The following PLD1 variants were observed in gnomAD, a reference collection of about 807,000 sequenced individuals.
The protein encoded by PLD1 is choline phosphatase 1.
Under a neutral mutation model 137.1 loss-of-function variants are expected in PLD1, and 112 were observed. The observed-to-expected ratio is 0.82, with a 90% CI of 0.70 to 0.96. The LOEUF (loss-of-function observed/expected upper bound fraction) is 0.96. Ranked by LOEUF, PLD1 falls within the 40% of genes least tolerant of loss-of-function variation. The probability of loss-of-function intolerance (pLI) is 0.00; values close to 1 mark genes in which losing one functional copy is unlikely to be tolerated. For missense variants in PLD1, 1,321 were observed against 1,342.0 expected (o/e 0.98, Z 0.24); for synonymous variants, 431 against 454.7 (o/e 0.95, Z 0.66).
intron 1 of PLD1, among the ~76,000 whole-genome samples, chr3:171,738,820 AG>A (rs1184203827): frequency 1.3e-5 from 2 of 152,240 alleles, no homozygotes; most frequent in East Asian, 3.8e-4. Flanking sequence ...ATCAGTACCC[AG>A]GGCAGAAGAG....
intron 25 of PLD1, among the ~76,000 whole-genome samples, chr3:171,610,066 A>T (rs772539677): frequency 1.3e-5 from 2 of 152,228 alleles, no homozygotes; most frequent in Non-Finnish European, 1.5e-5. Flanking sequence ...CAAATTGGTG[A>T]AGATTAAATA....
chr3:171,792,645 TTCCC>T (rs994304456), intron 1 of PLD1: 1 of 456,664 alleles, frequency 2.2e-6, no homozygotes, highest in African/African-American at 2.0e-5. Context: ...AGGATTGTCT[TTCCC>T]CCTGCCTCTG....
rs1203877071 is a variant in PLD1, at chr3:171,764,900, GAAGGAAGGAAGGAAAGAAAGA to G, written c.-31-26839_-31-26819del. On this transcript the variant is annotated intron_variant, in intron 1 of 26. Coordinates refer to ENST00000351298, the MANE Select transcript of PLD1 (RefSeq NM_002662.5). ...GAAAGAAAGAAAGAAAGAAAGGAAGGAAGGAAGGAAGGAAAGAAAGAAAGGAAAGAAAGGAAAGAAAGAAAG... is the reference window on the plus strand; with the variant it reads ...GAAAGAAAGAAAGAAAGAAAGGAAGGAAGGAAAGAAAGGAAAGAAAGAAAG... Among the ~76,000 whole-genome samples, 141 of 24,184 alleles carry G rather than the reference GAAGGAAGGAAGGAAAGAAAGA, an allele frequency of 5.8e-3. 10 individuals carry two copies. Among genetic ancestry groups the G allele is most frequent in the African/African-American group, 0.02 (130 of 6,342 alleles). 15.9% of individuals were successfully genotyped at this position (24,184 alleles called of 152,430 possible). A position where few individuals can be genotyped will look rare whatever the true frequency, so the allele number is the denominator to read the frequency against.
At position 171,737,991 on chromosome 3, in the gene PLD1, T is replaced by C. The variant is rs1246649670; in HGVS notation, c.61A>G (p.Met21Val). The part of the protein sequence containing the change: ...TSALQKIAAD[M>V]SNIIENLDTR... ...TCCAGATTTTCTATGATATTACTCA[T>C]GTCAGCAGCAATTTTCTGCAGTGCA... is the stretch of plus-strand genomic sequence containing the variant. The change falls in exon 2 of 27, where the codon ATG (methionine) becomes GTG (valine). Residue 21 changes from methionine (M) to valine (V), a missense_variant. Transcript: ENST00000351298. 2.5e-6 allele frequency: 4 copies of C among 1,614,010 alleles called. No individual in the cohort carries two copies. In the South Asian group the frequency reaches 3.3e-5, roughly 13 times the overall value.
At chr3:171,626,621 A>ATTTGCTTTAC (rs1560157237) in intron 23 of PLD1, among the ~76,000 whole-genome samples, 5 of 151,894 alleles carry the variant, frequency 3.3e-5, no homozygotes, top group African/African-American at 1.2e-4. Flanking sequence ...GGTTACCCAC[A>ATTTGCTTTAC]AAGGGAAGCC....
chr3:171,608,237 A>G (rs906330953), intron 25 of PLD1, among the ~76,000 whole-genome samples: 7 of 152,198 alleles, frequency 4.6e-5, no homozygotes, highest in African/African-American at 1.7e-4. Flanking sequence ...CCTCCCCACC[A>G]ATAATAAAAA....
intron 1 of PLD1, chr3:171,790,002 T>C (rs1723154407): frequency 1.3e-5 from 2 of 152,272 alleles, no homozygotes; most frequent in Admixed American, 1.3e-4. Flanking sequence ...TTTTGCAGCA[T>C]GCATGTACAC....
chr3:171,624,457 T>G (rs113437354), intron 23 of PLD1, among the ~76,000 whole-genome samples: 4,523 of 152,182 alleles, frequency 0.03, 159 homozygotes, highest in African/African-American at 0.084. Flanking sequence ...TGAAGGGTCA[T>G]TTAGCAATAT....
At chr3:171,712,393 G>C (rs184352928) in intron 9 of PLD1, among the ~76,000 whole-genome samples, 69 of 152,314 alleles carry the variant, frequency 4.5e-4, no homozygotes, top group Middle Eastern at 3.4e-3. Flanking sequence ...CGGAAAAACA[G>C]TTATGAGAAG....
intron 6 of PLD1, among the ~76,000 whole-genome samples, chr3:171,729,920 G>C (rs893614310): frequency 4.6e-5 from 7 of 152,148 alleles, no homozygotes; most frequent in African/African-American, 1.7e-4. Flanking sequence ...AGGATTTCAA[G>C]CTAATCACCT....
At chr3:171,695,506 T>C (rs1337881152) in intron 12 of PLD1, among the ~76,000 whole-genome samples, 1 of 152,210 alleles carries the variant, frequency 6.6e-6, no homozygotes, top group African/African-American at 2.4e-5. Flanking sequence ...CTGTCCTCTT[T>C]TCTAATTAGT....
At chr3:171,745,795 G>A (rs373752706) in intron 1 of PLD1, among the ~76,000 whole-genome samples, 7 of 152,266 alleles carry the variant, frequency 4.6e-5, no homozygotes, top group Admixed American at 4.6e-4. Context: ...GGCTGCGCTT[G>A]AGGAGCCCTT....
intron 1 of PLD1, among the ~76,000 whole-genome samples, chr3:171,806,953 C>T (rs1477622422): frequency 6.6e-6 from 1 of 152,166 alleles, no homozygotes; most frequent in East Asian, 1.9e-4. Context: ...TAGGTCTTTC[C>T]TGCTGTAGAT....
At chr3:171,736,957 C>T (rs1019982686) in intron 3 of PLD1, among the ~76,000 whole-genome samples, 4 of 152,314 alleles carry the variant, frequency 2.6e-5, no homozygotes, top group Non-Finnish European at 4.4e-5. Flanking sequence ...GCCTTTTCAG[C>T]GTTCAGTGAA....
chr3:171,702,073 A>G (rs772798402), intron 11 of PLD1, among the ~76,000 whole-genome samples: 3 of 152,218 alleles, frequency 2.0e-5, no homozygotes, highest in Non-Finnish European at 4.4e-5. Context: ...AATAAATATA[A>G]GAGTAGAACT....
At chr3:171,700,739 G>A (rs556885611) in intron 11 of PLD1, among the ~76,000 whole-genome samples, 6 of 152,262 alleles carry the variant, frequency 3.9e-5, no homozygotes, top group African/African-American at 9.6e-5. Flanking sequence ...AAGGAAGGTC[G>A]GCTGATATAT....
intron 9 of PLD1, among the ~76,000 whole-genome samples, chr3:171,711,691 C>A (rs2108571206): frequency 6.6e-6 from 1 of 152,138 alleles, no homozygotes; most frequent in East Asian, 1.9e-4. Flanking sequence ...GGCCATCTTG[C>A]TACCACAAGG....
intron 20 of PLD1, 26 bp from the exon 21 acceptor site, chr3:171,659,327 T>C (rs752565380): frequency 7.7e-6 from 11 of 1,424,490 alleles, no homozygotes; most frequent in Non-Finnish European, 1.1e-5. Context: ...AAGACAATCA[T>C]GTTAGTCTTT....
intron 21 of PLD1, among the ~76,000 whole-genome samples, chr3:171,656,142 C>T (rs1260915096): frequency 2.3e-5 from 2 of 86,038 alleles, no homozygotes; most frequent in African/African-American, 4.8e-5. Context: ...TCTTGTAGCC[C>T]TAAAATACTA....
Sources: gnomAD v4.1 joint callset for allele counts (sites outside exome capture counted in the v4.1 genomes callset) on GRCh38, gnomAD v4.1.1 for gene constraint, MANE v1.5 for transcripts, NCBI Gene and HGNC (gene_info 2026-07-23, HGNC 2026-07-21) for gene names.